SPATA17: variants seen among roughly 807,000 people sequenced by gnomAD.
The protein encoded by SPATA17 is spermatogenesis associated 17.
Under a neutral mutation model 62.2 loss-of-function variants are expected in SPATA17, and 53 were observed. That is an observed-to-expected ratio of 0.85 (90% confidence interval 0.68 to 1.07). The LOEUF (loss-of-function observed/expected upper bound fraction) is 1.07, where lower values mean the gene tolerates loss of function less well. Ranked by LOEUF, SPATA17 falls within the 50% of genes least tolerant of loss-of-function variation. SPATA17 has a pLI of 0.00. For synonymous variants in SPATA17, 146 were observed against 146.8 expected (o/e 0.99, Z 0.04); for missense variants, 466 against 425.5 (o/e 1.10, Z -0.84).
At chr1:217,809,767 T>G (rs1263901143) in intron 9 of SPATA17, among the ~76,000 whole-genome samples, 4 of 152,204 alleles carry the variant, frequency 2.6e-5, no homozygotes, top group Non-Finnish European at 5.9e-5. Flanking sequence ...AACATGAGTT[T>G]TGGTGAGAAC....
chr1:217,743,324 G>A (rs6685209), intron 6 of SPATA17, among the ~76,000 whole-genome samples: 69,702 of 151,720 alleles, frequency 0.46, 17,500 homozygotes, highest in Non-Finnish European at 0.58. Context: ...GTATAATTGA[G>A]GTGCTACATT....
chr1:217,644,558 G>A (rs1230935570), intron 1 of SPATA17, among the ~76,000 whole-genome samples: 1 of 151,822 alleles, frequency 6.6e-6, no homozygotes, highest in African/African-American at 2.4e-5. Context: ...AATATACATG[G>A]GTCAGACTAA....
chr1:217,720,111 C>T (rs1299498214), intron 5 of SPATA17, among the ~76,000 whole-genome samples: 1 of 152,174 alleles, frequency 6.6e-6, no homozygotes, highest in Non-Finnish European at 1.5e-5. Flanking sequence ...AACACTTTCC[C>T]CAGTCATGCG....
chr1:217,800,993 A>G (rs547399927), intron 8 of SPATA17, among the ~76,000 whole-genome samples: 1 of 152,294 alleles, frequency 6.6e-6, no homozygotes, highest in Admixed American at 6.5e-5. Context: ...AAATATCTAA[A>G]GTAATAATGA....
chr1:217,638,187 A>G (rs1240546881), intron 1 of SPATA17, among the ~76,000 whole-genome samples: 2 of 151,956 alleles, frequency 1.3e-5, no homozygotes. Flanking sequence ...TTGCTGTATT[A>G]TATACATTAA....
Position 217,648,938 on chromosome 1 carries a change from G to T in SPATA17, c.125G>T (p.Trp42Leu), listed in dbSNP as rs766759182. The T allele has an allele frequency of 1.9e-6, 3 of 1,610,270 alleles. No homozygotes were observed. The highest frequency in any genetic ancestry group is 2.5e-6 in the Non-Finnish European group (3 of 1,178,372). ...ENDAAVKIQSWFRGCQVRAYI... is the reference protein window; with the variant it reads ...ENDAAVKIQSLFRGCQVRAYI... ...GATGCAGCAGTTAAAATCCAAAGCT[G>T]GTTTCGAGGATGTCAAGTTCGGGCA... Residue 42 changes from tryptophan (W) to leucine (L), a missense_variant, in exon 2 of 11, where the codon TGG (tryptophan) becomes TTG (leucine). Physicochemically the swap from Trp to Leu is moderately conservative, Grantham distance 61. Coordinates refer to ENST00000366933, the MANE Select transcript of SPATA17 (RefSeq NM_138796.4).
At chr1:217,682,054 T>A (rs1671096963) in intron 4 of SPATA17, among the ~76,000 whole-genome samples, 1 of 152,148 alleles carries the variant, frequency 6.6e-6, no homozygotes, top group East Asian at 1.9e-4. Flanking sequence ...ATACAGATAT[T>A]TAAACGGTTG....
intron 1 of SPATA17, among the ~76,000 whole-genome samples, chr1:217,646,788 G>A (rs113121105): frequency 2.0e-5 from 3 of 152,050 alleles, no homozygotes; most frequent in African/African-American, 4.8e-5. Flanking sequence ...CCAGCTACTC[G>A]GAGGCTAAGG....
In SPATA17 at chr1:217,841,606, ATTC is replaced by A. The variant is rs112017157; in HGVS notation, c.1006-21161_1006-21159del. 6.2e-3 allele frequency among the ~76,000 whole-genome samples: 949 copies of A among 151,954 alleles called. 4 individuals carry two copies. Among genetic ancestry groups the A allele is most frequent in the African/African-American group, 0.021 (883 of 41,468 alleles). On this transcript the variant is annotated intron_variant, in intron 9 of 10. Coordinates refer to ENST00000366933, the MANE Select transcript of SPATA17 (RefSeq NM_138796.4). ...GGTATTATTGATTCCAATATTACTG[ATTC>A]TTCTTCCTGAAACACTAAAATGAAT...
chr1:217,645,733 T>G (rs1670166775), intron 1 of SPATA17, among the ~76,000 whole-genome samples: 1 of 152,154 alleles, frequency 6.6e-6, no homozygotes. Flanking sequence ...ATCTTTTCCA[T>G]GTTGGCCATT....
In SPATA17 at chr1:217,782,342, A is replaced by G; in HGVS notation, c.872+20A>G. On this transcript the variant is annotated intron_variant, in intron 8 of 10. Transcript: ENST00000366933. ...CAATATGTGAGTTCTTAGCTTAACA[A>G]AAATAGCTGTGACATATTTGGTGCC... is the stretch of plus-strand genomic sequence containing the variant. 6.4e-7 allele frequency: 1 copy of G among 1,572,096 alleles called. No individual in the cohort carries two copies.
chr1:217,862,139 C>A (rs926924075), intron 9 of SPATA17, among the ~76,000 whole-genome samples: 2 of 151,448 alleles, frequency 1.3e-5, no homozygotes, highest in South Asian at 2.1e-4. Flanking sequence ...AAACATACAC[C>A]TTTATATAGT....
chr1:217,754,728 C>A (rs1048816746), intron 6 of SPATA17, among the ~76,000 whole-genome samples: 1 of 152,156 alleles, frequency 6.6e-6, no homozygotes, highest in Non-Finnish European at 1.5e-5. Context: ...TGTTGAGTAT[C>A]TGGCAGCCAG....
chr1:217,737,598 T>G (rs941140585), intron 5 of SPATA17, among the ~76,000 whole-genome samples: 1 of 152,102 alleles, frequency 6.6e-6, no homozygotes, highest in Non-Finnish European at 1.5e-5. Flanking sequence ...CCGTCATTGA[T>G]TGAATCCAGG....
rs541417394 is a variant in SPATA17, at chr1:217,641,061, C to A, written c.69-7821C>A. ...AGTAGATAAATGGAGAAAGTTTGTC[C>A]TAGGGCAAAAATTTTGTTTCGAAAA... On this transcript the variant is annotated intron_variant, in intron 1 of 10. Transcript: ENST00000366933. Among the ~76,000 whole-genome samples, 6 of 151,962 alleles carry A rather than the reference C, an allele frequency of 3.9e-5. No homozygotes were observed. The East Asian group carries it at 7.8e-4, about 20-fold the overall frequency.
At chr1:217,713,591 G>A (rs758036315) in intron 5 of SPATA17, among the ~76,000 whole-genome samples, 4 of 152,194 alleles carry the variant, frequency 2.6e-5, no homozygotes, top group Non-Finnish European at 4.4e-5. Flanking sequence ...CCTGTGCTTC[G>A]TACCTACAAG....
chr1:217,641,081 C>T (rs542583555), intron 1 of SPATA17, among the ~76,000 whole-genome samples: 20 of 151,768 alleles, frequency 1.3e-4, no homozygotes, highest in African/African-American at 4.8e-4. Flanking sequence ...AATTTTGTTT[C>T]GAAAACAAAA....
chr1:217,749,860 A>G (rs115680216), intron 6 of SPATA17, among the ~76,000 whole-genome samples: 3,564 of 149,714 alleles, frequency 0.024, 78 homozygotes, highest in Middle Eastern at 0.056. Flanking sequence ...CACTCTGCCT[A>G]TTGAGTCTGA....
At chr1:217,838,261 T>C (rs1675307753) in intron 9 of SPATA17, among the ~76,000 whole-genome samples, 1 of 152,076 alleles carries the variant, frequency 6.6e-6, no homozygotes, top group Non-Finnish European at 1.5e-5. Context: ...AGAAGGGACT[T>C]GATTTTAGCA....
Sources: gnomAD v4.1 joint callset for allele counts (sites outside exome capture counted in the v4.1 genomes callset) on GRCh38, gnomAD v4.1.1 for gene constraint, MANE v1.5 for transcripts, NCBI Gene and HGNC (gene_info 2026-07-23, HGNC 2026-07-21) for gene names.